PPP1R3A: variants seen among roughly 807,000 people sequenced by gnomAD.
PPP1R3A encodes the protein protein phosphatase 1 regulatory subunit 3A, also known as RG1.
PPP1R3A carries 29 observed loss-of-function variants against 41.7 expected under a neutral mutation model. The ratio of observed to expected loss-of-function variants is 0.70; its 90% CI spans 0.52 to 0.95. The LOEUF is 0.95. Among genes scored for constraint, PPP1R3A ranks in the 40% least tolerant of loss-of-function variants. The pLI, the probability that PPP1R3A is intolerant of heterozygous loss-of-function variation, is 0.00. For synonymous variants in PPP1R3A, 485 were observed against 453.4 expected (o/e 1.07, Z -0.89); for missense variants, 1,352 against 1,292.4 (o/e 1.05, Z -0.71).
chr7:113,911,003 C>A (rs912886998), intron 1 of PPP1R3A, among the ~76,000 whole-genome samples: 1 of 152,052 alleles, frequency 6.6e-6, no homozygotes, highest in South Asian at 2.1e-4. Context: ...CATTACCTTA[C>A]AATATTAAAA....
In PPP1R3A at chr7:113,904,472, C is replaced by T. The variant is rs868797247; in HGVS notation, c.782+13743G>A. Among the ~76,000 whole-genome samples, 3 of 151,652 alleles carry T rather than the reference C, an allele frequency of 2.0e-5. No individual in the cohort carries two copies. The East Asian group carries it at 5.8e-4, about 29-fold the overall frequency. ...TAGCAAATTCTAAATTGATGAAGAA[C>T]AAGCTAACTTATTCACATGGTAAAA... On this transcript the variant is annotated intron_variant, in intron 1 of 3. Transcript: ENST00000284601.
In PPP1R3A at chr7:113,877,937, G is replaced by C; in HGVS notation, c.3155C>G (p.Thr1052Ser). Reference sequence around the variant, plus strand: ...TTGACTTTCCTCAACAGGAAGACTAGTAGAAGCAGAGCTGTCAGATTCCTT... The same window carrying C: ...TTGACTTTCCTCAACAGGAAGACTACTAGAAGCAGAGCTGTCAGATTCCTT... ...GEKESDSSAS[T>S]SLPVEESQAQ... Residue 1052 changes from threonine to serine, a missense_variant, in exon 4 of 4, where the codon ACT becomes AGT. Thr to Ser is a moderately conservative substitution (Grantham distance 58, BLOSUM62 1). Coordinates refer to ENST00000284601, the MANE Select transcript of PPP1R3A (RefSeq NM_002711.4). The C allele has an allele frequency of 1.2e-6, 2 of 1,613,376 alleles. No individual in the cohort carries two copies. The highest frequency in any genetic ancestry group is 1.7e-6 in the Non-Finnish European group (2 of 1,179,588).
intron 1 of PPP1R3A, among the ~76,000 whole-genome samples, chr7:113,904,300 G>T (rs1797111182): frequency 6.6e-6 from 1 of 151,570 alleles, no homozygotes. Flanking sequence ...TCCTGGACTT[G>T]ATCAAATAAA....
intron 1 of PPP1R3A, among the ~76,000 whole-genome samples, chr7:113,890,033 G>A (rs1258773682): frequency 6.6e-6 from 1 of 151,532 alleles, no homozygotes; most frequent in East Asian, 1.9e-4. Context: ...GAGAAAAGGA[G>A]AGAAGCAATT....
chr7:113,881,897 C>G (rs1796700335), intron 3 of PPP1R3A, 142 bp downstream of exon 3: 1 of 915,124 alleles, frequency 1.1e-6, no homozygotes, highest in African/African-American at 1.7e-5. Flanking sequence ...GTTGATCAAG[C>G]TAGAGACGCA....
chr7:113,887,603 G>T (rs1180664855), intron 1 of PPP1R3A, among the ~76,000 whole-genome samples: 3 of 152,166 alleles, frequency 2.0e-5, no homozygotes, highest in Admixed American at 6.5e-5. Context: ...GACTGTTGGA[G>T]AAATCAGGAA....
intron 1 of PPP1R3A, among the ~76,000 whole-genome samples, chr7:113,896,523 T>A (rs1208543673): frequency 2.0e-5 from 3 of 151,810 alleles, no homozygotes; most frequent in African/African-American, 7.2e-5. Context: ...TTTTGGCTAA[T>A]GACATATAAA....
At chr7:113,913,582 T>C (rs1797288664) in intron 1 of PPP1R3A, among the ~76,000 whole-genome samples, 1 of 152,094 alleles carries the variant, frequency 6.6e-6, no homozygotes, top group Non-Finnish European at 1.5e-5. Flanking sequence ...ACCTATATCA[T>C]GCAGTTTCTT....
Position 113,878,276 on chromosome 7 carries a change from G to A in PPP1R3A, c.2816C>T (p.Thr939Ile), listed in dbSNP as rs936892986. 6.2e-7 allele frequency: 1 copy of A among 1,613,102 alleles called. No individual in the cohort carries two copies. The highest frequency in any genetic ancestry group is 8.5e-7 in the Non-Finnish European group (1 of 1,179,504). ...EQAIAVENAV[T>I]TMASQPISTK... ...AGAAATAGGTTGGCTAGCCATGGTA[G>A]TAACTGCATTCTCTACAGCAATTGC... is the stretch of plus-strand genomic sequence containing the variant. Residue 939 changes from threonine to isoleucine, a missense_variant, in exon 4 of 4, where the codon ACT (threonine) becomes ATT (isoleucine). Thr to Ile is a moderately conservative substitution (Grantham distance 89). Transcript: ENST00000284601.
At chr7:113,917,083 TA>T (rs938437522) in intron 1 of PPP1R3A, among the ~76,000 whole-genome samples, 2 of 152,096 alleles carry the variant, frequency 1.3e-5, no homozygotes, top group Non-Finnish European at 2.9e-5. Flanking sequence ...GCACAATTTT[TA>T]AAAAAATTTC....
In PPP1R3A at chr7:113,880,103, G is replaced by C; in HGVS notation, c.989C>G (p.Thr330Ser). 6.2e-7 allele frequency: 1 copy of C among 1,600,350 alleles called. No individual in the cohort carries two copies. Among genetic ancestry groups the C allele is most frequent in the Non-Finnish European group, 8.6e-7 (1 of 1,168,266 alleles). ...TTCATCTCTGGAAGCAGTACTTCTG[G>C]TTCTTATTAAGTGTTGATTTATCTT... The part of the protein sequence containing the change: ...ELMINQHLIR[T>S]RSTASRDERN... The change falls in exon 4 of 4, where the codon ACC becomes AGC. Residue 330 changes from threonine (T) to serine (S), a missense_variant. By Grantham distance (58) the Thr-to-Ser change is moderately conservative. Transcript: ENST00000284601.
Position 113,918,359 on chromosome 7 carries a change from G to A in PPP1R3A, c.638C>T (p.Thr213Ile), listed in dbSNP as rs1479800911. 3 of 1,613,220 alleles carry A rather than the reference G, an allele frequency of 1.9e-6. No homozygotes were observed. Among genetic ancestry groups the A allele is most frequent in the East Asian group, 2.2e-5 (1 of 44,826 alleles). ...SKVEFCIRYE[T>I]SVGTFWSNNN... ...ATTTGACCAAAATGTACCAACAGAA[G>A]TTTCATAACGTATACAAAACTCAAC... Residue 213 changes from threonine (T) to isoleucine (I), a missense_variant, in exon 1 of 4, where the codon ACT becomes ATT. Transcript: ENST00000284601.
intron 1 of PPP1R3A, among the ~76,000 whole-genome samples, chr7:113,913,034 C>A (rs1158821905): frequency 6.6e-6 from 1 of 152,048 alleles, no homozygotes. Flanking sequence ...CCAGTTGGCA[C>A]CTCGCTGTCA....
intron 1 of PPP1R3A, among the ~76,000 whole-genome samples, chr7:113,892,976 T>C (rs769274880): frequency 3.9e-5 from 6 of 151,998 alleles, no homozygotes; most frequent in Non-Finnish European, 7.4e-5. Context: ...TGGATTAGAT[T>C]AGAAGGCCAC....
chr7:113,884,667 GA>G (rs891999358), intron 1 of PPP1R3A, among the ~76,000 whole-genome samples: 1 of 151,126 alleles, frequency 6.6e-6, no homozygotes. Flanking sequence ...TAAGAAAAAA[GA>G]AAAAAAAGAT....
Position 113,876,965 on chromosome 7 carries a change from G to A in PPP1R3A, c.*758C>T, listed in dbSNP as rs1336837750. On this transcript the variant is annotated 3_prime_UTR_variant, in exon 4 of 4. Coordinates refer to ENST00000284601, the MANE Select transcript of PPP1R3A (RefSeq NM_002711.4). ...GAATAGTTGACACTGAAATAGTTCA[G>A]CTGTGTTACAGTCTTCCCTCACAAG... The A allele has an allele frequency of 6.6e-6, 1 of 151,914 alleles. No homozygotes were observed. The highest frequency in any genetic ancestry group is 1.5e-5 in the Non-Finnish European group (1 of 67,930). 9.4% of individuals were successfully genotyped at this position (151,914 alleles called of 1,614,324 possible).
intron 1 of PPP1R3A, among the ~76,000 whole-genome samples, chr7:113,894,995 G>A (rs1050716725): frequency 2.0e-5 from 3 of 151,990 alleles, no homozygotes; most frequent in African/African-American, 7.2e-5. Flanking sequence ...TCATTCAGAA[G>A]TGACAGCCCT....
chr7:113,913,895 T>C (rs1048358291), intron 1 of PPP1R3A, among the ~76,000 whole-genome samples: 1 of 152,180 alleles, frequency 6.6e-6, no homozygotes, highest in African/African-American at 2.4e-5. Context: ...TCTCTGCTTT[T>C]CAAGGCCTTT....
chr7:113,901,137 G>A (rs1359562530), intron 1 of PPP1R3A, among the ~76,000 whole-genome samples: 1 of 151,520 alleles, frequency 6.6e-6, no homozygotes, highest in African/African-American at 2.4e-5. Context: ...TCAAAGACAA[G>A]CCACCAACTG....
Sources: allele counts gnomAD v4.1 joint callset (sites outside exome capture counted in the v4.1 genomes callset), GRCh38; gene constraint gnomAD v4.1.1; transcripts MANE v1.5; gene names NCBI Gene and HGNC (gene_info 2026-07-23, HGNC 2026-07-21).